The following ROBO1 variants were observed in gnomAD, a reference collection of about 807,000 sequenced individuals.
The protein encoded by ROBO1 is roundabout guidance receptor 1, also known as roundabout homolog 1.
ROBO1 carries 149 observed loss-of-function variants against 195.9 expected under a neutral mutation model. That is an observed-to-expected ratio of 0.76 (90% CI 0.67 to 0.87). The LOEUF is 0.87. Among genes scored for constraint, ROBO1 ranks in the 40% least tolerant of loss-of-function variants. ROBO1 has a pLI of 0.00. For synonymous variants in ROBO1, 816 were observed against 733.2 expected (o/e 1.11, Z -1.82); for missense variants, 1,933 against 2,068.3 (o/e 0.93, Z 1.27).
At chr3:78,958,397 C>G (rs920629961) in intron 3 of ROBO1, among the ~76,000 whole-genome samples, 10 of 152,118 alleles carry the variant, frequency 6.6e-5, no homozygotes, top group Non-Finnish European at 1.3e-4. Context: ...GAGAAATATT[C>G]AAGTTATAAT....
intron 2 of ROBO1, among the ~76,000 whole-genome samples, chr3:79,382,436 C>T (rs1316906711): frequency 4.6e-5 from 7 of 151,490 alleles, no homozygotes; most frequent in Admixed American, 6.6e-5. Context: ...ACAGAGGTGA[C>T]GTGACAAGAT....
chr3:78,804,874 T>G (rs990856766), intron 4 of ROBO1, among the ~76,000 whole-genome samples: 1 of 152,106 alleles, frequency 6.6e-6, no homozygotes, highest in Non-Finnish European at 1.5e-5. Context: ...TGTCTATTGG[T>G]TGGGTTCATC....
intron 2 of ROBO1, among the ~76,000 whole-genome samples, chr3:79,516,435 G>A (rs1940946917): frequency 6.6e-6 from 1 of 152,022 alleles, no homozygotes; most frequent in Non-Finnish European, 1.5e-5. Context: ...TTATGCAGTG[G>A]AAGGTCTCCT....
At chr3:78,916,245 C>CAAAA (rs34944563) in intron 4 of ROBO1, among the ~76,000 whole-genome samples, 16 of 91,950 alleles carry the variant, frequency 1.7e-4, no homozygotes, top group African/African-American at 6.7e-4. Flanking sequence ...GAGACTCCGT[C>CAAAA]AAAAAAAAAA....
intron 2 of ROBO1, among the ~76,000 whole-genome samples, chr3:79,163,011 T>C (rs2081000290): frequency 6.6e-6 from 1 of 152,124 alleles, no homozygotes; most frequent in South Asian, 2.1e-4. Flanking sequence ...ATTTTTACTA[T>C]GGTAAACACA....
intron 3 of ROBO1, among the ~76,000 whole-genome samples, chr3:79,076,451 G>A (rs1032866381): frequency 2.0e-4 from 30 of 151,184 alleles, no homozygotes; most frequent in Non-Finnish European, 3.8e-4. Flanking sequence ...AATTCAATAA[G>A]AATGGGGAAA....
At chr3:79,293,216 C>T (rs2032364562) in intron 2 of ROBO1, among the ~76,000 whole-genome samples, 2 of 152,146 alleles carry the variant, frequency 1.3e-5, no homozygotes, top group South Asian at 4.1e-4. Context: ...TCTGTGAGAT[C>T]AGTGGTGATA....
chr3:78,990,083 T>C (rs2077201051), intron 3 of ROBO1, among the ~76,000 whole-genome samples: 1 of 152,148 alleles, frequency 6.6e-6, no homozygotes, highest in African/African-American at 2.4e-5. Flanking sequence ...AAATTATCAG[T>C]CAACATTAGA....
rs896930328 is a variant in ROBO1, at chr3:79,334,352, G to GTA, written c.89-208815_89-208814dup. ...TATATGTGTATATATATGTATATAT[G>GTA]TATATATATATGTATATATATTTTA... On this transcript the variant is annotated intron_variant, in intron 2 of 30. Coordinates refer to ENST00000464233, the MANE Select transcript of ROBO1 (RefSeq NM_002941.4). Among the ~76,000 whole-genome samples the GTA allele has an allele frequency of 2.7e-3, 381 of 142,382 alleles. 2 individuals carry two copies. Among genetic ancestry groups the GTA allele is most frequent in the Non-Finnish European group, 4.1e-3 (271 of 65,928 alleles). The allele number at this position is 142,382 out of a possible 152,430, so 93.4% of individuals were successfully genotyped here. A position where few individuals can be genotyped will look rare whatever the true frequency, so the allele number is the denominator to read the frequency against.
intron 2 of ROBO1, among the ~76,000 whole-genome samples, chr3:79,389,879 T>C (rs2036883778): frequency 6.6e-6 from 1 of 152,114 alleles, no homozygotes; most frequent in African/African-American, 2.4e-5. Context: ...ACAAGATGCT[T>C]GGGACAGATT....
intron 22 of ROBO1, among the ~76,000 whole-genome samples, chr3:78,637,575 T>C (rs1230126892): frequency 8.5e-5 from 13 of 152,210 alleles, no homozygotes; most frequent in Non-Finnish European, 2.9e-5. Flanking sequence ...TTAAATTCAA[T>C]GTAAATAGCC....
chr3:78,639,687 C>A (rs1309340771), intron 22 of ROBO1, 57 bp downstream of exon 22: 1 of 1,481,948 alleles, frequency 6.7e-7, no homozygotes, highest in Non-Finnish European at 9.1e-7. Flanking sequence ...AAGAAAAGAT[C>A]TTCTGGCTAG....
intron 2 of ROBO1, among the ~76,000 whole-genome samples, chr3:79,168,771 A>G (rs2081115771): frequency 6.6e-6 from 1 of 152,178 alleles, no homozygotes; most frequent in African/African-American, 2.4e-5. Flanking sequence ...AGTAGATAAT[A>G]TATCAAGGGT....
intron 29 of ROBO1, among the ~76,000 whole-genome samples, chr3:78,605,689 T>C (rs1703424302): frequency 6.6e-6 from 1 of 152,244 alleles, no homozygotes; most frequent in South Asian, 2.1e-4. Context: ...TGTGTTCTTG[T>C]TGGCATTTTA....
chr3:79,618,502 A>G (rs1446194397), intron 1 of ROBO1, among the ~76,000 whole-genome samples: 1 of 152,102 alleles, frequency 6.6e-6, no homozygotes, highest in Non-Finnish European at 1.5e-5. Context: ...GAGTGTCAGA[A>G]GCTCCCCACT....
intron 5 of ROBO1, among the ~76,000 whole-genome samples, chr3:78,719,528 A>G (rs1202735160): frequency 6.6e-6 from 1 of 152,170 alleles, no homozygotes; most frequent in African/African-American, 2.4e-5. Flanking sequence ...ATATATACAT[A>G]TACACATATA....
intron 3 of ROBO1, among the ~76,000 whole-genome samples, chr3:79,072,469 T>G (rs2079105862): frequency 6.6e-6 from 1 of 151,962 alleles, no homozygotes; most frequent in African/African-American, 2.4e-5. Flanking sequence ...CTTTTCACTG[T>G]TGCTGAAAAC....
At chr3:78,633,893 C>T (rs1705327797) in intron 24 of ROBO1, 42 bp downstream of exon 24, 3 of 1,341,810 alleles carry the variant, frequency 2.2e-6, no homozygotes, top group African/African-American at 1.5e-5. Flanking sequence ...TTGGAAAGTA[C>T]CAGCTTTTTA....
intron 3 of ROBO1, among the ~76,000 whole-genome samples, chr3:79,089,083 G>A (rs562865957): frequency 6.6e-6 from 1 of 152,036 alleles, no homozygotes; most frequent in South Asian, 2.1e-4. Flanking sequence ...TTCATAAAAG[G>A]CAAAATGTAT....
Sources: gnomAD v4.1 joint callset for allele counts (sites outside exome capture counted in the v4.1 genomes callset) on GRCh38, gnomAD v4.1.1 for gene constraint, MANE v1.5 for transcripts, NCBI Gene and HGNC (gene_info 2026-07-23, HGNC 2026-07-21) for gene names.